Variants in DERA observed in about 807,000 individuals in gnomAD.
DERA encodes the protein deoxyribose-phosphate aldolase, also known as 2-deoxy-D-ribose 5-phosphate aldolase.
A neutral mutation model predicts 41.1 loss-of-function variants in DERA; 15 were observed. That is an observed-to-expected ratio of 0.37 (90% CI 0.24 to 0.56). The LOEUF is 0.56. Ranked by LOEUF, DERA falls within the 20% of genes least tolerant of loss-of-function variation. The pLI is 0.81. For synonymous variants in DERA, 139 were observed against 137.4 expected (o/e 1.01, Z -0.08); for missense variants, 396 against 403.4 (o/e 0.98, Z 0.16).
Position 15,976,594 on chromosome 12 carries a change from C to T in DERA, c.509-5714C>T, listed in dbSNP as rs1948698907. Among the ~76,000 whole-genome samples the T allele has an allele frequency of 6.6e-6, 1 of 152,178 alleles. No homozygotes were observed. Among genetic ancestry groups the T allele is most frequent in the African/African-American group, 2.4e-5 (1 of 41,432 alleles). On this transcript the variant is annotated intron_variant, in intron 5 of 8. Transcript: ENST00000428559. This position sits in a 1 kb window ranked among gnomAD's most constrained non-coding sequence, Gnocchi z 4.1. ...AGAGTTCAGAATCATCTTTCTAAAT[C>T]AACAAGAGGCTCTTTCATCTTAATT...
Position 15,928,464 on chromosome 12 carries a change from A to G in DERA, c.31+17050A>G, listed in dbSNP as rs1026127272. Among the ~76,000 whole-genome samples the G allele has an allele frequency of 6.6e-6, 1 of 152,224 alleles. No individual in the cohort carries two copies. The highest frequency in any genetic ancestry group is 1.5e-5 in the Non-Finnish European group (1 of 68,038). On this transcript the variant is annotated intron_variant, in intron 1 of 8. Transcript: ENST00000428559. The surrounding 1 kb of genome is among the most constrained non-coding windows in gnomAD (Gnocchi z 4.6). ...TTTCTGTATTTGCATTTTGGACTATATGGTGGACATGCCATGTGCAAATTG... is the reference window on the plus strand; with the variant it reads ...TTTCTGTATTTGCATTTTGGACTATGTGGTGGACATGCCATGTGCAAATTG...
intron 6 of DERA, among the ~76,000 whole-genome samples, chr12:16,028,299 A>G (rs1464517776): frequency 6.6e-6 from 1 of 152,246 alleles, no homozygotes; most frequent in Non-Finnish European, 1.5e-5. Context: ...CAACTGAAAG[A>G]GCTCCCAGTG....
Position 16,013,155 on chromosome 12 carries a change from A to G in DERA, c.638-19387A>G, listed in dbSNP as rs1184649334. On this transcript the variant is annotated intron_variant, in intron 6 of 8. Coordinates refer to ENST00000428559, the MANE Select transcript of DERA (RefSeq NM_015954.4). This position sits in a 1 kb window ranked among gnomAD's most constrained non-coding sequence, Gnocchi z 5.8. ...GTGTGAAATTTCCAGTGTTGATACC[A>G]GTCTTTAAAAATCATTTTAAAGAAC... 6.6e-6 allele frequency among the ~76,000 whole-genome samples: 1 copy of G among 152,222 alleles called. No homozygotes were observed. The highest frequency in any genetic ancestry group is 6.5e-5 in the Admixed American group (1 of 15,280).
intron 1 of DERA, among the ~76,000 whole-genome samples, chr12:15,929,112 G>T (rs1465548357): frequency 6.6e-6 from 1 of 152,194 alleles, no homozygotes; most frequent in Non-Finnish European, 1.5e-5. Flanking sequence ...AGCCCCACTA[G>T]GGAGAATGTC....
In DERA at chr12:16,017,859, T is replaced by C. The variant is rs1415091597; in HGVS notation, c.638-14683T>C. Among the ~76,000 whole-genome samples the C allele has an allele frequency of 1.3e-5, 2 of 152,320 alleles. No homozygotes were observed. The highest frequency in any genetic ancestry group is 3.9e-4 in the East Asian group (2 of 5,186). ...TACCCAAAAGCTCTTATTATAGGGT[T>C]GGTATGAATTCCACTTAATGACAAG... On this transcript the variant is annotated intron_variant, in intron 6 of 8. Transcript: ENST00000428559. This position sits in a 1 kb window ranked among gnomAD's most constrained non-coding sequence, Gnocchi z 5.5.
chr12:16,025,353 T>C (rs1949046370), intron 6 of DERA, among the ~76,000 whole-genome samples: 1 of 151,902 alleles, frequency 6.6e-6, no homozygotes. Flanking sequence ...AATAAACAAA[T>C]AGGAAAGATG....
rs1167520495 is a variant in DERA at position 16,026,071 on chromosome 12, A to G, written c.638-6471A>G. On this transcript the variant is annotated intron_variant, in intron 6 of 8. Transcript: ENST00000428559. The surrounding 1 kb of genome is among the most constrained non-coding windows in gnomAD (Gnocchi z 4.4). Reference sequence around the variant, plus strand: ...CAGTGCTTAGAAAGAAATGTATGGCATTAGATGCATATATTAGAAAAGAAT... The same window carrying G: ...CAGTGCTTAGAAAGAAATGTATGGCGTTAGATGCATATATTAGAAAAGAAT... Among the ~76,000 whole-genome samples, 1 of 152,152 alleles carries G rather than the reference A, an allele frequency of 6.6e-6. No individual in the cohort carries two copies. The highest frequency in any genetic ancestry group is 1.5e-5 in the Non-Finnish European group (1 of 67,966).
intron 1 of DERA, among the ~76,000 whole-genome samples, chr12:15,927,216 C>T (rs1249837911): frequency 6.6e-6 from 1 of 152,136 alleles, no homozygotes; most frequent in Admixed American, 6.6e-5. Context: ...TTAGAACATG[C>T]TAGGCTTTTC....
intron 6 of DERA, among the ~76,000 whole-genome samples, chr12:15,986,316 A>G (rs1264263915): frequency 6.6e-6 from 1 of 152,034 alleles, no homozygotes; most frequent in Non-Finnish European, 1.5e-5. Flanking sequence ...TGTTTTATTC[A>G]TTTACATTTC....
rs1303314603 is a variant in DERA at position 15,936,931 on chromosome 12, C to CTGTCT, written c.32-20000_32-19996dup. Among the ~76,000 whole-genome samples the CTGTCT allele has an allele frequency of 1.5e-5, 2 of 133,316 alleles. No individual in the cohort carries two copies. The highest frequency in any genetic ancestry group is 3.1e-5 in the African/African-American group (1 of 32,452). The allele number at this position is 133,316 out of a possible 152,430, so 87.5% of individuals were successfully genotyped here. A position where few individuals can be genotyped will look rare whatever the true frequency, so the allele number is the denominator to read the frequency against. On this transcript the variant is annotated intron_variant, in intron 1 of 8. Transcript: ENST00000428559. The surrounding 1 kb of genome is among the most constrained non-coding windows in gnomAD (Gnocchi z 4.6). ...CTGTCCTGTCCTGTCCTGTCCTGTC[C>CTGTCT]TGTCTTGTCCTGTCCCGTCCTGTCC...
In DERA at chr12:16,036,340, C is replaced by G; in HGVS notation, c.859C>G (p.Arg287Gly). 6.2e-6 allele frequency: 10 copies of G among 1,613,356 alleles called. No homozygotes were observed. Among genetic ancestry groups the G allele is most frequent in the Non-Finnish European group, 8.5e-6 (10 of 1,179,588 alleles). ...GDEWLKPELF[R>G]IGASTLLSDI... ...TGAGTGGCTGAAGCCAGAACTCTTT[C>G]GAATAGGTGCCAGTACTCTGCTCTC... Residue 287 changes from arginine (R) to glycine (G), a missense_variant, in exon 8 of 9, where the codon CGA (arginine) becomes GGA (glycine). Coordinates refer to ENST00000428559, the MANE Select transcript of DERA (RefSeq NM_015954.4). The surrounding 1 kb of genome is among the most constrained non-coding windows in gnomAD (Gnocchi z 4.9).
intron 6 of DERA, among the ~76,000 whole-genome samples, chr12:16,007,942 C>T (rs1948923806): frequency 6.6e-6 from 1 of 152,202 alleles, no homozygotes; most frequent in Non-Finnish European, 1.5e-5. Context: ...CCTCAGCCTG[C>T]TGTGTTCAAG....
chr12:15,912,023 T>C (rs1191881961), intron 1 of DERA, among the ~76,000 whole-genome samples: 1 of 151,104 alleles, frequency 6.6e-6, no homozygotes, highest in African/African-American at 2.4e-5. Flanking sequence ...CAGATTTCTT[T>C]TTTTTTTTTT....
At chr12:15,958,109 C>A (rs1474263790) in intron 2 of DERA, 79 bp from the exon 3 acceptor site, 4 of 1,232,982 alleles carry the variant, frequency 3.2e-6, no homozygotes, top group African/African-American at 3.0e-5. Flanking sequence ...TAATGATTCT[C>A]TACTAACCAC....
Position 16,000,041 on chromosome 12 carries a change from T to C in DERA, c.637+17605T>C, listed in dbSNP as rs1216018998. On this transcript the variant is annotated intron_variant, in intron 6 of 8. Transcript: ENST00000428559. The surrounding 1 kb of genome is among the most constrained non-coding windows in gnomAD (Gnocchi z 4.8). The stretch of plus-strand genomic sequence containing the variant: ...GCAATGCAGTGGGTATGGAGCAGAG[T>C]AGATGCCTGTGGGACATATCGGGGG... Among the ~76,000 whole-genome samples the C allele has an allele frequency of 6.6e-6, 1 of 151,938 alleles. No homozygotes were observed. Among genetic ancestry groups the C allele is most frequent in the Non-Finnish European group, 1.5e-5 (1 of 67,988 alleles).
chr12:15,926,587 T>G (rs909391684), intron 1 of DERA, among the ~76,000 whole-genome samples: 6 of 151,496 alleles, frequency 4.0e-5, no homozygotes, highest in Admixed American at 2.0e-4. Context: ...ATACAAAAAA[T>G]TAGCCGGGCG....
rs59422290 is a variant in DERA at position 15,923,578 on chromosome 12, C to A, written c.31+12164C>A. Reference sequence around the variant, plus strand: ...GATGACTAGACACATTATATTTTCTCTTTCTCTAGATCTTAAGTCAAGGTC... The same window carrying A: ...GATGACTAGACACATTATATTTTCTATTTCTCTAGATCTTAAGTCAAGGTC... On this transcript the variant is annotated intron_variant, in intron 1 of 8. Transcript: ENST00000428559. Among the ~76,000 whole-genome samples, 3 of 152,186 alleles carry A rather than the reference C, an allele frequency of 2.0e-5. No homozygotes were observed. The East Asian group carries it at 5.8e-4, about 29-fold the overall frequency.
intron 4 of DERA, among the ~76,000 whole-genome samples, chr12:15,962,458 A>G (rs1294614175): frequency 6.6e-6 from 1 of 152,248 alleles, no homozygotes; most frequent in Non-Finnish European, 1.5e-5. Flanking sequence ...ACTAGTGTTC[A>G]TTAAGATAGG....
Position 16,036,576 on chromosome 12 carries a change from G to A in DERA, c.901-114G>A. 2.9e-6 allele frequency: 3 copies of A among 1,018,870 alleles called. No homozygotes were observed. In the South Asian group the frequency reaches 4.9e-5, roughly 17 times the overall value. The allele number at this position is 1,018,870 out of a possible 1,614,324, so 63.1% of individuals were successfully genotyped here. A position where few individuals can be genotyped will look rare whatever the true frequency, so the allele number is the denominator to read the frequency against. On this transcript the variant is annotated intron_variant, in intron 8 of 8. Transcript: ENST00000428559. This position sits in a 1 kb window ranked among gnomAD's most constrained non-coding sequence, Gnocchi z 4.9. ...ATTCTGCTGAAGCACATACTAGTGA[G>A]GCTTTCTAATGAAATGTTCATTAAA...
Sources: gnomAD v4.1 joint callset for allele counts (sites outside exome capture counted in the v4.1 genomes callset) on GRCh38, gnomAD v4.1.1 for gene constraint, Gnocchi (gnomAD v3.1) non-coding constraint, MANE v1.5 for transcripts, NCBI Gene and HGNC (gene_info 2026-07-23, HGNC 2026-07-21) for gene names.